RIMS2: variants seen among roughly 807,000 people sequenced by gnomAD.
The protein encoded by RIMS2 is regulating synaptic membrane exocytosis protein 2.
A neutral mutation model predicts 174.4 loss-of-function variants in RIMS2; 59 were observed. The observed-to-expected ratio is 0.34, with a 90% confidence interval of 0.27 to 0.42. The LOEUF (loss-of-function observed/expected upper bound fraction) is 0.42, where lower values mean the gene tolerates loss of function less well. Ranked by LOEUF, RIMS2 falls within the 10% of genes least tolerant of loss-of-function variation. The pLI, the probability that RIMS2 is intolerant of heterozygous loss-of-function variation, is 1.00. For missense variants in RIMS2, 1,620 were observed against 1,666.3 expected, an observed-to-expected ratio of 0.97 and a Z score of 0.48; for synonymous variants, 606 against 572.5, an observed-to-expected ratio of 1.06 and a Z score of -0.84.
intron 20 of RIMS2, among the ~76,000 whole-genome samples, chr8:104,248,241 A>T (rs147133042): frequency 6.6e-6 from 1 of 152,302 alleles, no homozygotes; most frequent in African/African-American, 2.4e-5. Flanking sequence ...GGGTCAGGAA[A>T]GGGATTTTTT....
At chr8:103,879,862 T>C (rs1190418355) in intron 3 of RIMS2, among the ~76,000 whole-genome samples, 2 of 151,680 alleles carry the variant, frequency 1.3e-5, no homozygotes, top group Non-Finnish European at 3.0e-5. Flanking sequence ...TGGCTTTTGC[T>C]AGGAAGGAAT....
intron 5 of RIMS2, 72 bp from the exon 8 acceptor site, chr8:103,910,249 T>A (rs770408389): frequency 6.5e-7 from 1 of 1,532,276 alleles, no homozygotes; most frequent in Non-Finnish European, 8.9e-7. Flanking sequence ...TCATTTCACT[T>A]TTCCTTTTTT....
At chr8:103,691,293 A>G (rs1293910784) in intron 1 of RIMS2, among the ~76,000 whole-genome samples, 1 of 152,022 alleles carries the variant, frequency 6.6e-6, no homozygotes, top group Non-Finnish European at 1.5e-5. Flanking sequence ...ATCTCTGTCT[A>G]TATATTTAAG....
At chr8:104,184,303 G>A (rs2098956767) in intron 19 of RIMS2, among the ~76,000 whole-genome samples, 1 of 151,502 alleles carries the variant, frequency 6.6e-6, no homozygotes, top group Non-Finnish European at 1.5e-5. Flanking sequence ...ACTAAATTGG[G>A]TAATATGCCT....
At chr8:104,058,514 A>T (rs2096916274) in intron 19 of RIMS2, among the ~76,000 whole-genome samples, 1 of 149,286 alleles carries the variant, frequency 6.7e-6, no homozygotes, top group Non-Finnish European at 1.5e-5. Flanking sequence ...CCCATGTTGT[A>T]GGTTGCCTGT....
At chr8:104,130,944 G>A (rs991203744) in intron 19 of RIMS2, among the ~76,000 whole-genome samples, 1 of 152,188 alleles carries the variant, frequency 6.6e-6, no homozygotes, top group Non-Finnish European at 1.5e-5. Context: ...TTTAGTTTAA[G>A]AGGGAAAAGA....
chr8:104,032,601 A>G (rs2096420278), intron 19 of RIMS2, among the ~76,000 whole-genome samples: 1 of 152,074 alleles, frequency 6.6e-6, no homozygotes, highest in Non-Finnish European at 1.5e-5. Flanking sequence ...GATTAACTAA[A>G]AAACCAGTAC....
At chr8:104,002,978 T>G (rs1337609830) in intron 17 of RIMS2, among the ~76,000 whole-genome samples, 1 of 152,202 alleles carries the variant, frequency 6.6e-6, no homozygotes, top group African/African-American at 2.4e-5. Context: ...AATTCACTCA[T>G]TTGAACAAAC....
At chr8:104,141,592 G>A (rs1256218871) in intron 19 of RIMS2, among the ~76,000 whole-genome samples, 7 of 152,176 alleles carry the variant, frequency 4.6e-5, no homozygotes, top group Non-Finnish European at 1.0e-4. Context: ...TATCTGAATA[G>A]GCAGTTAAAT....
chr8:103,544,560 G>A (rs1016401710), intron 1 of RIMS2, among the ~76,000 whole-genome samples: 8 of 152,158 alleles, frequency 5.3e-5, no homozygotes, highest in African/African-American at 1.7e-4. Flanking sequence ...ACCTCTTACA[G>A]CCACACCTGC....
intron 3 of RIMS2, among the ~76,000 whole-genome samples, chr8:103,851,874 G>T (rs2099000339): frequency 6.6e-6 from 1 of 151,066 alleles, no homozygotes; most frequent in Non-Finnish European, 1.5e-5. Context: ...TGCACTTTTA[G>T]AAAAATCATT....
chr8:103,960,360 CT>C (rs1466625930), intron 14 of RIMS2, among the ~76,000 whole-genome samples: 2 of 152,110 alleles, frequency 1.3e-5, no homozygotes, highest in Non-Finnish European at 2.9e-5. Flanking sequence ...AAACATGGTG[CT>C]CTTGAATTGT....
At chr8:103,823,174 CT>C (rs2098764115) in intron 3 of RIMS2, among the ~76,000 whole-genome samples, 1 of 151,816 alleles carries the variant, frequency 6.6e-6, no homozygotes, top group Non-Finnish European at 1.5e-5. Context: ...TTTGCTGTGA[CT>C]TCTGGCCACA....
At chr8:104,008,270 A>C (rs2095652875) in intron 17 of RIMS2, among the ~76,000 whole-genome samples, 1 of 152,068 alleles carries the variant, frequency 6.6e-6, no homozygotes, top group African/African-American at 2.4e-5. Flanking sequence ...TCATAAAAAT[A>C]AGGATTTTAC....
intron 3 of RIMS2, among the ~76,000 whole-genome samples, chr8:103,862,395 G>A (rs905492847): frequency 7.9e-5 from 12 of 151,952 alleles, no homozygotes; most frequent in African/African-American, 2.2e-4. Flanking sequence ...AGTATAATTT[G>A]AAGTCAGGTA....
chr8:104,066,502 G>A (rs2097107417), intron 19 of RIMS2, among the ~76,000 whole-genome samples: 1 of 151,954 alleles, frequency 6.6e-6, no homozygotes, highest in East Asian at 1.9e-4. Context: ...ATTCTTTTAG[G>A]ACCCATCATT....
chr8:103,844,505 A>G (rs1270127253), intron 3 of RIMS2, among the ~76,000 whole-genome samples: 1 of 152,066 alleles, frequency 6.6e-6, no homozygotes, highest in East Asian at 1.9e-4. Flanking sequence ...CTTGAACTGT[A>G]TTTAGTCTTA....
intron 1 of RIMS2, among the ~76,000 whole-genome samples, chr8:103,565,866 T>A (rs2092292180): frequency 6.6e-6 from 1 of 152,164 alleles, no homozygotes; most frequent in Non-Finnish European, 1.5e-5. Flanking sequence ...AAGTAGAAAG[T>A]ATTTTTTGTC....
At chr8:103,821,846 G>A (rs957575135) in intron 3 of RIMS2, among the ~76,000 whole-genome samples, 1 of 151,422 alleles carries the variant, frequency 6.6e-6, no homozygotes, top group African/African-American at 2.4e-5. Context: ...GAAGAAGAAT[G>A]GCCTGAATAT....
Sources: allele counts gnomAD v4.1 joint callset (sites outside exome capture counted in the v4.1 genomes callset), GRCh38; gene constraint gnomAD v4.1.1; transcripts MANE v1.5; gene names NCBI Gene and HGNC (gene_info 2026-07-23, HGNC 2026-07-21).